Variants in PCNX1 observed in about 807,000 individuals in gnomAD.
The protein encoded by PCNX1 is pecanex 1.
Under a neutral mutation model 242.2 loss-of-function variants are expected in PCNX1, and 78 were observed. The ratio of observed to expected loss-of-function variants is 0.32; its 90% CI spans 0.27 to 0.39. The LOEUF (loss-of-function observed/expected upper bound fraction) is 0.39. Among genes scored for constraint, PCNX1 ranks in the 10% least tolerant of loss-of-function variants. PCNX1 has a pLI of 1.00. For missense variants in PCNX1, 2,581 were observed against 2,856.5 expected (o/e 0.90, Z 2.20); for synonymous variants, 1,024 against 1,032.9 (o/e 0.99, Z 0.17).
intron 19 of PCNX1, among the ~76,000 whole-genome samples, chr14:71,044,815 T>C (rs1284381101): frequency 6.6e-6 from 1 of 152,228 alleles, no homozygotes; most frequent in Non-Finnish European, 1.5e-5. Context: ...AATACATTGC[T>C]CTGAACATCT....
chr14:71,044,192 A>C (rs939590362), intron 19 of PCNX1, among the ~76,000 whole-genome samples: 2 of 152,152 alleles, frequency 1.3e-5, no homozygotes, highest in African/African-American at 4.8e-5. Flanking sequence ...TAGGTAGGCT[A>C]GTCCTCAGGT....
intron 3 of PCNX1, among the ~76,000 whole-genome samples, chr14:70,967,074 A>T (rs931023343): frequency 3.9e-5 from 6 of 152,192 alleles, no homozygotes; most frequent in Admixed American, 6.5e-5. Context: ...CAACAGATAT[A>T]TGTATGCATA....
intron 19 of PCNX1, among the ~76,000 whole-genome samples, chr14:71,043,191 A>G (rs556941165): frequency 2.0e-5 from 3 of 152,156 alleles, no homozygotes; most frequent in South Asian, 2.1e-4. Flanking sequence ...GTTTCCTTGT[A>G]TGTAACTTAA....
chr14:70,915,808 G>T (rs1232207162), intron 1 of PCNX1, among the ~76,000 whole-genome samples: 2 of 152,242 alleles, frequency 1.3e-5, no homozygotes, highest in South Asian at 2.1e-4. Context: ...TATTGAGAGA[G>T]AATATAAATA....
chr14:70,921,178 A>T (rs117329013), intron 1 of PCNX1, among the ~76,000 whole-genome samples: 1 of 152,172 alleles, frequency 6.6e-6, no homozygotes, highest in Admixed American at 6.6e-5. Context: ...CAGAAAACCT[A>T]AATAAACCAA....
intron 29 of PCNX1, among the ~76,000 whole-genome samples, chr14:71,088,822 C>G (rs1295385935): frequency 6.6e-6 from 1 of 152,120 alleles, no homozygotes; most frequent in Admixed American, 6.6e-5. Context: ...TTCGGGGATT[C>G]TAAATCTAAA....
intron 19 of PCNX1, among the ~76,000 whole-genome samples, chr14:71,043,816 C>T (rs890543346): frequency 3.3e-5 from 5 of 152,036 alleles, no homozygotes; most frequent in Non-Finnish European, 7.4e-5. Context: ...CTTTTTCAGA[C>T]AATTCATAGA....
intron 17 of PCNX1, 30 bp from the exon 18 acceptor site, chr14:71,033,901 T>A (rs748630699): frequency 9.1e-7 from 1 of 1,101,808 alleles, no homozygotes. Context: ...ATTATCTATG[T>A]ATTTTCTGTT....
At chr14:70,971,481 T>C (rs1007912447) in intron 5 of PCNX1, among the ~76,000 whole-genome samples, 2 of 152,220 alleles carry the variant, frequency 1.3e-5, no homozygotes, top group Non-Finnish European at 2.9e-5. Context: ...GCAACATTTT[T>C]CCATATGTTT....
At chr14:71,035,929 C>CT (rs879468046) in intron 18 of PCNX1, 136 bp from the exon 19 acceptor site, 37,181 of 438,746 alleles carry the variant, frequency 0.085, no homozygotes, top group East Asian at 0.11. Flanking sequence ...ATGAAAACTT[C>CT]TTTTTTTTTT....
intron 11 of PCNX1, among the ~76,000 whole-genome samples, chr14:71,013,590 A>ATTTTTTTTTTTTTTTTT (rs2059881627): frequency 7.7e-6 from 1 of 130,248 alleles, no homozygotes; most frequent in Non-Finnish European, 1.8e-5. Flanking sequence ...TTAATGGCAA[A>ATTTTTTTTTTTTTTTTT]CACAAACTTG....
At chr14:70,994,501 G>T (rs1222025893) in intron 7 of PCNX1, among the ~76,000 whole-genome samples, 9 of 147,860 alleles carry the variant, frequency 6.1e-5, no homozygotes, top group African/African-American at 2.2e-4. Context: ...TGTTTTATGT[G>T]TACTAGAGAA....
intron 12 of PCNX1, among the ~76,000 whole-genome samples, chr14:71,021,021 C>G (rs2060085874): frequency 6.6e-6 from 1 of 152,152 alleles, no homozygotes; most frequent in African/African-American, 2.4e-5. Context: ...ATAGGGAATC[C>G]TTTCCCCATT....
In PCNX1 at chr14:71,108,914, ACAT is replaced by A; in HGVS notation, c.6615_6617del (p.His2206del). 1 of 1,614,208 alleles carries A rather than the reference ACAT, an allele frequency of 6.2e-7. No homozygotes were observed. The highest frequency in any genetic ancestry group is 8.5e-7 in the Non-Finnish European group (1 of 1,180,034). ...CCAGCCAAAGCATCCCAGCCTGCAA[ACAT>A]CACACTCTCGTGGGCTTTCTTGCGA... On this transcript the variant is annotated inframe_deletion, in exon 34 of 36. Transcript: ENST00000304743.
At chr14:71,070,983 C>T (rs2061573023) in intron 26 of PCNX1, among the ~76,000 whole-genome samples, 1 of 152,206 alleles carries the variant, frequency 6.6e-6, no homozygotes, top group Admixed American at 6.5e-5. Flanking sequence ...TTAGCTAGAT[C>T]TTCTGGATAA....
At chr14:71,082,184 A>G (rs892577862) in intron 28 of PCNX1, among the ~76,000 whole-genome samples, 6 of 151,982 alleles carry the variant, frequency 3.9e-5, no homozygotes, top group African/African-American at 1.5e-4. Flanking sequence ...GATTTTCTTA[A>G]TCCTGAGTTC....
At chr14:71,068,624 A>G (rs1320288566) in intron 26 of PCNX1, among the ~76,000 whole-genome samples, 13 of 77,764 alleles carry the variant, frequency 1.7e-4, no homozygotes, top group Admixed American at 3.2e-4. Context: ...GTGTGTGTGT[A>G]TAAAAATATA....
chr14:71,050,617 T>G (rs1332311428), intron 22 of PCNX1, 35 bp from the exon 23 acceptor site: 3 of 1,544,702 alleles, frequency 1.9e-6, no homozygotes, highest in Non-Finnish European at 2.6e-6. Context: ...TAAGTTTTTT[T>G]TTTTTTACTG....
intron 2 of PCNX1, among the ~76,000 whole-genome samples, chr14:70,961,689 G>A (rs893048980): frequency 1.3e-5 from 2 of 152,112 alleles, no homozygotes; most frequent in Non-Finnish European, 2.9e-5. Context: ...AAACAAGTTA[G>A]TATTCTAGTT....
Sources: gnomAD v4.1 joint callset for allele counts (sites outside exome capture counted in the v4.1 genomes callset) on GRCh38, gnomAD v4.1.1 for gene constraint, MANE v1.5 for transcripts, NCBI Gene and HGNC (gene_info 2026-07-23, HGNC 2026-07-21) for gene names.